Variants in RAD51B observed in about 807,000 individuals in gnomAD.
The protein encoded by RAD51B is DNA repair protein RAD51 homolog 2.
Under a neutral mutation model 42.2 loss-of-function variants are expected in RAD51B, and 38 were observed. That is an observed-to-expected ratio of 0.90 (90% CI 0.70 to 1.18). RAD51B has a LOEUF of 1.18. Among genes scored for constraint, RAD51B ranks in the 50% most tolerant of loss-of-function variants. The probability of loss-of-function intolerance (pLI) is 0.00; values close to 1 mark genes in which losing one functional copy is unlikely to be tolerated. For synonymous variants in RAD51B, 154 were observed against 145.2 expected, an observed-to-expected ratio of 1.06 and a Z score of -0.43; for missense variants, 373 against 400.7, an observed-to-expected ratio of 0.93 and a Z score of 0.59.
At chr14:68,568,207 A>C (rs1889518351) in intron 10 of RAD51B, among the ~76,000 whole-genome samples, 1 of 152,254 alleles carries the variant, frequency 6.6e-6, no homozygotes, top group Non-Finnish European at 1.5e-5. Context: ...GATCACCATA[A>C]TACAATGTGA....
chr14:68,472,440 C>G (rs3784126), intron 10 of RAD51B, among the ~76,000 whole-genome samples: 3 of 152,096 alleles, frequency 2.0e-5, no homozygotes, highest in Admixed American at 1.3e-4. Flanking sequence ...CAAACACCTG[C>G]GGACTTGGTG....
chr14:68,082,658 CT>C (rs1352222243), intron 7 of RAD51B, among the ~76,000 whole-genome samples: 1 of 151,810 alleles, frequency 6.6e-6, no homozygotes, highest in Non-Finnish European at 1.5e-5. Context: ...TAAAATGCTG[CT>C]TTTTTCTTTC....
chr14:68,301,253 A>AT (rs148880097), intron 8 of RAD51B, among the ~76,000 whole-genome samples: 3,193 of 152,098 alleles, frequency 0.021, 106 homozygotes, highest in African/African-American at 0.069. Flanking sequence ...AAGGAGACAA[A>AT]TGTTTTTTTG....
intron 8 of RAD51B, among the ~76,000 whole-genome samples, chr14:68,337,507 T>C (rs974979003): frequency 2.0e-5 from 3 of 152,238 alleles, no homozygotes; most frequent in African/African-American, 7.2e-5. Context: ...TCTTCCCTAT[T>C]GGCATGGTTA....
At chr14:67,862,242 G>A (rs1480391402) in intron 4 of RAD51B, among the ~76,000 whole-genome samples, 3 of 151,644 alleles carry the variant, frequency 2.0e-5, no homozygotes, top group East Asian at 3.9e-4. Flanking sequence ...TCATCATATT[G>A]AACTCCATAA....
intron 7 of RAD51B, among the ~76,000 whole-genome samples, chr14:68,054,550 C>T (rs1224875796): frequency 1.3e-5 from 2 of 152,128 alleles, no homozygotes; most frequent in East Asian, 3.8e-4. Context: ...CAGCAAGAAG[C>T]CTGGTTCCAT....
rs561414029 is a variant in RAD51B at position 68,660,558 on chromosome 14, G to T, written c.*11+9702G>T. Reference sequence around the variant, plus strand: ...TAGTTGGGAGACCGAATCAGCTCCTGGTGCAGAGCCTGGGCAGACACGGGG... The same window carrying T: ...TAGTTGGGAGACCGAATCAGCTCCTTGTGCAGAGCCTGGGCAGACACGGGG... On this transcript the variant is annotated intron_variant, in intron 11 of 11. Transcript: ENST00000488612. Among the ~76,000 whole-genome samples the T allele has an allele frequency of 3.3e-5, 5 of 152,272 alleles. No individual in the cohort carries two copies. In the East Asian group the frequency reaches 7.7e-4, roughly 24 times the overall value.
At chr14:68,095,420 T>C (rs2077174901) in intron 7 of RAD51B, among the ~76,000 whole-genome samples, 1 of 152,146 alleles carries the variant, frequency 6.6e-6, no homozygotes. Flanking sequence ...TGCTTAATTG[T>C]GTTACAATAT....
At chr14:68,502,670 C>T (rs1306673304) in intron 10 of RAD51B, among the ~76,000 whole-genome samples, 3 of 152,218 alleles carry the variant, frequency 2.0e-5, no homozygotes, top group Non-Finnish European at 4.4e-5. Flanking sequence ...TGAACACTGC[C>T]TCAAAGCTGC....
chr14:68,173,629 A>C (rs1349752582), intron 7 of RAD51B, among the ~76,000 whole-genome samples: 2 of 152,208 alleles, frequency 1.3e-5, no homozygotes, highest in Non-Finnish European at 2.9e-5. Context: ...TGGTTCATAG[A>C]CTGTCTCAGT....
At chr14:68,314,610 C>T (rs897105043) in intron 8 of RAD51B, among the ~76,000 whole-genome samples, 1 of 152,164 alleles carries the variant, frequency 6.6e-6, no homozygotes, top group African/African-American at 2.4e-5. Context: ...ATGCCAAAAC[C>T]ATGGTGCCAC....
intron 7 of RAD51B, among the ~76,000 whole-genome samples, chr14:68,240,947 A>G (rs2080371260): frequency 1.3e-5 from 2 of 152,330 alleles, no homozygotes; most frequent in Middle Eastern, 3.4e-3. Context: ...TTCATGTGAC[A>G]AGTCTGCAAA....
chr14:68,315,959 C>T (rs754828932), intron 8 of RAD51B, among the ~76,000 whole-genome samples: 3 of 152,114 alleles, frequency 2.0e-5, no homozygotes, highest in Non-Finnish European at 2.9e-5. Context: ...TTGCTCTTTT[C>T]GTAGTGTTGT....
At chr14:68,266,082 G>T (rs1263185526) in intron 7 of RAD51B, among the ~76,000 whole-genome samples, 1 of 152,180 alleles carries the variant, frequency 6.6e-6, no homozygotes, top group Non-Finnish European at 1.5e-5. Context: ...CAAGTGATTG[G>T]TGTTTGCACT....
intron 10 of RAD51B, among the ~76,000 whole-genome samples, chr14:68,647,558 AG>A (rs1892587566): frequency 6.6e-6 from 1 of 152,190 alleles, no homozygotes; most frequent in Non-Finnish European, 1.5e-5. Flanking sequence ...TGCATTTTGA[AG>A]TACAAGTACT....
Position 68,564,033 on chromosome 14 carries a change from G to A in RAD51B, c.1037-30452G>A, listed in dbSNP as rs1362745571. On this transcript the variant is annotated intron_variant, in intron 10 of 10. Coordinates refer to the RAD51B transcript ENST00000487270. The stretch of plus-strand genomic sequence containing the variant: ...CAAACCTGTTTCGGAACAGCTGGCC[G>A]CACTAGAGGGCCTGCATGGGCTGGG... The A allele has an allele frequency of 3.4e-5, 24 of 714,926 alleles. No individual in the cohort carries two copies. The South Asian group carries it at 7.0e-4, about 21-fold the overall frequency. The allele number at this position is 714,926 out of a possible 1,614,324, so 44.3% of individuals were successfully genotyped here.
chr14:68,031,111 TA>T (rs2076033957), intron 7 of RAD51B, among the ~76,000 whole-genome samples: 1 of 152,212 alleles, frequency 6.6e-6, no homozygotes, highest in South Asian at 2.1e-4. Context: ...CTGGGCAGTT[TA>T]CAAAAGAAAG....
At chr14:68,067,909 C>T (rs1200938588) in intron 7 of RAD51B, among the ~76,000 whole-genome samples, 1 of 116,580 alleles carries the variant, frequency 8.6e-6, no homozygotes, top group Non-Finnish European at 1.6e-5. Context: ...TGCAGTCTGT[C>T]TGACAGAGCG....
At chr14:68,146,706 G>A (rs189293110) in intron 7 of RAD51B, among the ~76,000 whole-genome samples, 1 of 152,238 alleles carries the variant, frequency 6.6e-6, no homozygotes, top group African/African-American at 2.4e-5. Flanking sequence ...TAATTGTCAG[G>A]GGACTTTGAG....
Sources: gnomAD v4.1 joint callset for allele counts (sites outside exome capture counted in the v4.1 genomes callset) on GRCh38, gnomAD v4.1.1 for gene constraint, MANE v1.5 for transcripts, NCBI Gene and HGNC (gene_info 2026-07-23, HGNC 2026-07-21) for gene names.